AGBL1: variants seen among roughly 807,000 people sequenced by gnomAD.
The protein encoded by AGBL1 is AGBL carboxypeptidase 1, also known as cytosolic carboxypeptidase 4.
A neutral mutation model predicts 118.9 loss-of-function variants in AGBL1; 130 were observed. That is an observed-to-expected ratio of 1.09 (90% CI 0.95 to 1.26). AGBL1 has a LOEUF of 1.26. Among genes scored for constraint, AGBL1 ranks in the 50% most tolerant of loss-of-function variants. AGBL1 has a pLI of 0.00. For synonymous variants in AGBL1, 555 were observed against 478.9 expected, an observed-to-expected ratio of 1.16 and a Z score of -2.08; for missense variants, 1,584 against 1,298.1, an observed-to-expected ratio of 1.22 and a Z score of -3.38.
At chr15:86,140,752 C>T (rs368448734) in intron 1 of AGBL1, among the ~76,000 whole-genome samples, 2 of 151,980 alleles carry the variant, frequency 1.3e-5, no homozygotes, top group African/African-American at 2.4e-5. Flanking sequence ...AGGAAAAGTG[C>T]GGCTGGAAGA....
chr15:86,666,330 T>G (rs2085643803), intron 21 of AGBL1, among the ~76,000 whole-genome samples: 1 of 152,192 alleles, frequency 6.6e-6, no homozygotes, highest in African/African-American at 2.4e-5. Flanking sequence ...AATAATTTAT[T>G]TTGCTGGTTT....
chr15:86,924,804 G>A (rs1012143121), intron 23 of AGBL1, among the ~76,000 whole-genome samples: 8 of 152,038 alleles, frequency 5.3e-5, no homozygotes, highest in Admixed American at 3.3e-4. Flanking sequence ...GATCAGGTGC[G>A]GTAACTCACA....
At chr15:86,199,632 A>T (rs181166176) in intron 5 of AGBL1, among the ~76,000 whole-genome samples, 204 of 152,302 alleles carry the variant, frequency 1.3e-3, no homozygotes, top group African/African-American at 4.8e-3. Flanking sequence ...TTGTGACATT[A>T]CTCAGCAGCT....
At chr15:86,570,377 T>A (rs900808310) in intron 21 of AGBL1, among the ~76,000 whole-genome samples, 1 of 152,118 alleles carries the variant, frequency 6.6e-6, no homozygotes, top group Non-Finnish European at 1.5e-5. Context: ...AGGTACACCC[T>A]CAAGAAAGGG....
At chr15:86,764,460 G>A (rs1313031113) in intron 22 of AGBL1, among the ~76,000 whole-genome samples, 1 of 151,992 alleles carries the variant, frequency 6.6e-6, no homozygotes, top group Non-Finnish European at 1.5e-5. Flanking sequence ...GTGGGTGGAT[G>A]GAAGTGTGTT....
At chr15:86,450,186 G>T (rs912518865) in intron 18 of AGBL1, among the ~76,000 whole-genome samples, 1 of 152,214 alleles carries the variant, frequency 6.6e-6, no homozygotes, top group Non-Finnish European at 1.5e-5. Flanking sequence ...TGATGCATGG[G>T]GTCCATTTAA....
chr15:86,761,781 GT>G (rs2078027770), intron 22 of AGBL1, among the ~76,000 whole-genome samples: 1 of 152,038 alleles, frequency 6.6e-6, no homozygotes, highest in Non-Finnish European at 1.5e-5. Flanking sequence ...TTCTCTGTAG[GT>G]TGTGTTTTTG....
At chr15:86,398,930 C>G (rs893705133) in intron 18 of AGBL1, among the ~76,000 whole-genome samples, 11 of 152,114 alleles carry the variant, frequency 7.2e-5, no homozygotes, top group African/African-American at 2.7e-4. Context: ...AGGAAAGACA[C>G]CCATGTACCC....
chr15:86,453,774 T>G (rs1288794041), intron 18 of AGBL1, among the ~76,000 whole-genome samples: 1 of 152,198 alleles, frequency 6.6e-6, no homozygotes, highest in Non-Finnish European at 1.5e-5. Context: ...TGAGTAAAAC[T>G]TTGTAATAAA....
At chr15:86,653,671 C>T (rs959226077) in intron 21 of AGBL1, among the ~76,000 whole-genome samples, 1 of 152,132 alleles carries the variant, frequency 6.6e-6, no homozygotes, top group South Asian at 2.1e-4. Context: ...CACAGGCTGT[C>T]TCCACTCCCA....
chr15:86,239,040 G>T (rs1164465578), intron 6 of AGBL1, among the ~76,000 whole-genome samples: 2 of 152,194 alleles, frequency 1.3e-5, no homozygotes, highest in Non-Finnish European at 2.9e-5. Flanking sequence ...GAAGAGAAAG[G>T]TGTGGATTCT....
At chr15:86,812,094 A>G (rs1169674974) in intron 22 of AGBL1, among the ~76,000 whole-genome samples, 1 of 152,234 alleles carries the variant, frequency 6.6e-6, no homozygotes, top group African/African-American at 2.4e-5. Context: ...TTAGTGACAG[A>G]GCCAAGACAA....
intron 1 of AGBL1, among the ~76,000 whole-genome samples, chr15:86,132,639 A>G (rs1007853525): frequency 3.3e-5 from 5 of 152,220 alleles, no homozygotes; most frequent in Non-Finnish European, 7.3e-5. Context: ...CATCATTTAA[A>G]AGAAAACAGA....
At chr15:86,110,492 T>C (rs776268500) in intron 1 of AGBL1, among the ~76,000 whole-genome samples, 1 of 152,160 alleles carries the variant, frequency 6.6e-6, no homozygotes, top group Admixed American at 6.5e-5. Context: ...TCCTCATCTT[T>C]ACTTTGAGTA....
At chr15:86,478,547 G>T (rs1426970256) in intron 18 of AGBL1, among the ~76,000 whole-genome samples, 1 of 152,008 alleles carries the variant, frequency 6.6e-6, no homozygotes, top group Non-Finnish European at 1.5e-5. Context: ...ACCTCTTCAG[G>T]GAGAACTACA....
Position 86,412,049 on chromosome 15 carries a change from T to G in AGBL1, c.2555+14503T>G, listed in dbSNP as rs184828194. 3.3e-5 allele frequency among the ~76,000 whole-genome samples: 5 copies of G among 152,330 alleles called. No homozygotes were observed. The East Asian group carries it at 5.8e-4, about 18-fold the overall frequency. ...CCCAAGGAATCCCTTGAAAAATCTC[T>G]TTGTCAGCAGCTCAATGTTGGAAAA... is the stretch of plus-strand genomic sequence containing the variant. On this transcript the variant is annotated intron_variant, in intron 18 of 22. Coordinates refer to ENST00000614907, the MANE Select transcript of AGBL1 (RefSeq NM_001386094.1).
chr15:86,880,655 G>A (rs544537115), intron 22 of AGBL1, among the ~76,000 whole-genome samples: 1 of 152,276 alleles, frequency 6.6e-6, no homozygotes, highest in South Asian at 2.1e-4. Context: ...GTATGCATGT[G>A]TGTGGATGTG....
intron 20 of AGBL1, among the ~76,000 whole-genome samples, chr15:86,547,393 T>C (rs28546296): frequency 0.052 from 7,859 of 152,100 alleles, 637 homozygotes; most frequent in African/African-American, 0.17. Flanking sequence ...ATAATATTAA[T>C]AGATAATTCC....
intron 5 of AGBL1, among the ~76,000 whole-genome samples, chr15:86,190,101 G>A (rs941183879): frequency 1.3e-5 from 2 of 152,110 alleles, no homozygotes; most frequent in African/African-American, 4.8e-5. Context: ...GTTTTTCATT[G>A]CATAGTGGTA....
Sources: gnomAD v4.1 joint callset for allele counts (sites outside exome capture counted in the v4.1 genomes callset) on GRCh38, gnomAD v4.1.1 for gene constraint, MANE v1.5 for transcripts, NCBI Gene and HGNC (gene_info 2026-07-23, HGNC 2026-07-21) for gene names.